The following ASGR2 variants were observed in gnomAD, a reference collection of about 807,000 sequenced individuals.
The protein encoded by ASGR2 is asialoglycoprotein receptor 2.
A neutral mutation model predicts 32.3 loss-of-function variants in ASGR2; 34 were observed. That is an observed-to-expected ratio of 1.05 (90% confidence interval 0.80 to 1.40). The LOEUF (loss-of-function observed/expected upper bound fraction) is 1.40. ASGR2 is among the 40% of genes most tolerant of loss of function. ASGR2 has a pLI of 0.00. For missense variants in ASGR2, 385 were observed against 386.4 expected, an observed-to-expected ratio of 1.00 and a Z score of 0.03; for synonymous variants, 143 against 150.0, an observed-to-expected ratio of 0.95 and a Z score of 0.34.
rs528340758 is a variant in ASGR2, at chr17:7,110,041, C to T, written c.125-1153G>A. On this transcript the variant is annotated intron_variant, in intron 2 of 8. Coordinates refer to ENST00000691900, the MANE Select transcript of ASGR2 (RefSeq NM_001201352.2). ...TTCCTTGTCTTCTCATTCCTATCAC[C>T]CCCCGACCCAGCAGGACCACATCCT... is the stretch of plus-strand genomic sequence containing the variant. Among the ~76,000 whole-genome samples the T allele has an allele frequency of 2.0e-5, 3 of 152,220 alleles. No homozygotes were observed. In the South Asian group the frequency reaches 6.2e-4, roughly 32 times the overall value.
At position 7,110,652 on chromosome 17, in the gene ASGR2, C is replaced by T. The variant is rs536325882; in HGVS notation, c.125-1764G>A. On this transcript the variant is annotated intron_variant, in intron 2 of 8. Transcript: ENST00000691900. The stretch of plus-strand genomic sequence containing the variant: ...GTCGTAGCTACCCGATTGGATTGCT[C>T]GGATAATTAGATGAGTTAAAATATG... 2.6e-5 allele frequency among the ~76,000 whole-genome samples: 4 copies of T among 152,250 alleles called. No individual in the cohort carries two copies. In the East Asian group the frequency reaches 7.7e-4, roughly 29 times the overall value.
At chr17:7,104,310 T>G (rs1229068161) in intron 7 of ASGR2, among the ~76,000 whole-genome samples, 1 of 135,876 alleles carries the variant, frequency 7.4e-6, no homozygotes, top group Non-Finnish European at 1.5e-5. Context: ...ATCGTGCCAT[T>G]GCACTCCAGC....
At chr17:7,105,260 G>A (rs933660528) in intron 7 of ASGR2, among the ~76,000 whole-genome samples, 1 of 151,118 alleles carries the variant, frequency 6.6e-6, no homozygotes, top group African/African-American at 2.4e-5. Flanking sequence ...AAATTAAGAA[G>A]CATGTAAAGC....
Position 7,107,976 on chromosome 17 carries a change from G to C in ASGR2, c.338-69C>G. 2 of 1,580,276 alleles carry C rather than the reference G, an allele frequency of 1.3e-6. No individual in the cohort carries two copies. The highest frequency in any genetic ancestry group is 1.7e-6 in the Non-Finnish European group (2 of 1,158,708). On this transcript the variant is annotated intron_variant, in intron 4 of 8. Coordinates refer to ENST00000691900, the MANE Select transcript of ASGR2 (RefSeq NM_001201352.2). This position sits in a 1 kb window ranked among gnomAD's most constrained non-coding sequence, Gnocchi z 5.0. ...GTCCTCATGCTGCTGGGGGACCGGG[G>C]GCCAGCGCCTCGTCCTGGGCGATGC...
At chr17:7,104,216 C>T (rs998878173) in intron 7 of ASGR2, among the ~76,000 whole-genome samples, 6 of 151,936 alleles carry the variant, frequency 3.9e-5, no homozygotes, top group Non-Finnish European at 8.8e-5. Flanking sequence ...GGCGTGTTGG[C>T]GCATGCCTGT....
Position 7,108,708 on chromosome 17 carries a change from C to T in ASGR2, c.241+64G>A, listed in dbSNP as rs749085050. On this transcript the variant is annotated intron_variant, in intron 3 of 8. Coordinates refer to ENST00000691900, the MANE Select transcript of ASGR2 (RefSeq NM_001201352.2). This position sits in a 1 kb window ranked among gnomAD's most constrained non-coding sequence, Gnocchi z 4.9. ...CCCCTCCCATCGCCCCGATCGCTGC[C>T]CGCCACTGCCCATGTCTCTTTCCCT... 2 of 1,612,550 alleles carry T rather than the reference C, an allele frequency of 1.2e-6. No individual in the cohort carries two copies. Among genetic ancestry groups the T allele is most frequent in the Non-Finnish European group, 1.7e-6 (2 of 1,178,938 alleles).
chr17:7,114,705 G>A lies in ASGR2; in HGVS notation c.-161C>T, dbSNP rs1915257554. On this transcript the variant is annotated 5_prime_UTR_variant, in exon 1 of 9. Coordinates refer to ENST00000691900, the MANE Select transcript of ASGR2 (RefSeq NM_001201352.2). This position sits in a 1 kb window ranked among gnomAD's most constrained non-coding sequence, Gnocchi z 4.5. ...GTTAAAGCCAGGAGAACTGGGGCAG[G>A]TGGAGCTCACAGGGGAGAGGAGAGT... is the stretch of plus-strand genomic sequence containing the variant. 2.0e-6 allele frequency: 2 copies of A among 1,018,162 alleles called. No homozygotes were observed. The highest frequency in any genetic ancestry group is 2.4e-6 in the Non-Finnish European group (2 of 849,282). 63.1% of individuals were successfully genotyped at this position (1,018,162 alleles called of 1,614,324 possible).
At chr17:7,102,877 G>A (rs920831217) in intron 7 of ASGR2, among the ~76,000 whole-genome samples, 1 of 152,206 alleles carries the variant, frequency 6.6e-6, no homozygotes, top group Non-Finnish European at 1.5e-5. Flanking sequence ...ACACCGGGGT[G>A]TGAGGAAGCA....
intron 7 of ASGR2, among the ~76,000 whole-genome samples, chr17:7,105,793 T>TG (rs1913589034): frequency 1.6e-5 from 1 of 63,322 alleles, no homozygotes; most frequent in Non-Finnish European, 4.5e-5. Context: ...AAATTAGCAT[T>TG]TTTTTTTTTT....
chr17:7,109,012 G>GA (rs1157030678), intron 2 of ASGR2, 124 bp from the exon 3 acceptor site: 2 of 632,910 alleles, frequency 3.2e-6, no homozygotes, highest in African/African-American at 3.9e-5. Flanking sequence ...ATGGGGGGGG[G>GA]TCATCATAGG....
At chr17:7,109,126 CATGCACACG>C in intron 2 of ASGR2, among the ~76,000 whole-genome samples, 1 of 152,016 alleles carries the variant, frequency 6.6e-6, no homozygotes, top group African/African-American at 2.4e-5. Context: ...CACACACACC[CATGCACACG>C]ACTCAGGATA....
Position 7,107,033 on chromosome 17 carries a change from T to C in ASGR2, c.615A>G (p.Ala205=). The C allele has an allele frequency of 6.2e-7, 1 of 1,614,054 alleles. No individual in the cohort carries two copies. The highest frequency in any genetic ancestry group is 1.1e-5 in the South Asian group (1 of 91,078). Residue 205 remains alanine, a synonymous_variant, in exon 7 of 9, where the codon GCA becomes GCG. Transcript: ENST00000691900. This position sits in a 1 kb window ranked among gnomAD's most constrained non-coding sequence, Gnocchi z 5.0. Reference sequence around the variant, plus strand: ...CCCAGGAGTTGATGACCACCAGGTGTGCGTTCTCCAGCTGGCAGTACTTCT... The same window carrying C: ...CCCAGGAGTTGATGACCACCAGGTGCGCGTTCTCCAGCTGGCAGTACTTCT... ...EAEKYCQLEN[A]HLVVINSWEE...
At chr17:7,104,431 C>T (rs943863570) in intron 7 of ASGR2, among the ~76,000 whole-genome samples, 4 of 148,928 alleles carry the variant, frequency 2.7e-5, no homozygotes, top group Non-Finnish European at 5.9e-5. Flanking sequence ...GCGGGAGGAT[C>T]ACCTGAGGTC....
At chr17:7,111,413 G>T (rs553095267) in intron 2 of ASGR2, among the ~76,000 whole-genome samples, 23 of 152,228 alleles carry the variant, frequency 1.5e-4, no homozygotes, top group South Asian at 8.3e-4. Context: ...TCCCAGCACT[G>T]TGGGAGGCCA....
At position 7,108,403 on chromosome 17, in the gene ASGR2, G is replaced by A. The variant is rs62061385; in HGVS notation, c.337+59C>T. The A allele has an allele frequency of 0.23, 349,185 of 1,510,662 alleles. 42,007 individuals carry two copies. The highest frequency in any genetic ancestry group is 0.29 in the East Asian group (11,775 of 40,920). The allele number at this position is 1,510,662 out of a possible 1,614,324, so 93.6% of individuals were successfully genotyped here. On this transcript the variant is annotated intron_variant, in intron 4 of 8. Coordinates refer to ENST00000691900, the MANE Select transcript of ASGR2 (RefSeq NM_001201352.2). This position sits in a 1 kb window ranked among gnomAD's most constrained non-coding sequence, Gnocchi z 4.9. ...CCCCACACAGCCCTGTTGCAGACTCGGCACTGAGCCCAGCAAACCTGTGCG... is the reference window on the plus strand; with the variant it reads ...CCCCACACAGCCCTGTTGCAGACTCAGCACTGAGCCCAGCAAACCTGTGCG...
chr17:7,114,316 G>A lies in ASGR2; in HGVS notation c.-70-6C>T. 1.3e-6 allele frequency: 2 copies of A among 1,566,742 alleles called. No individual in the cohort carries two copies. The highest frequency in any genetic ancestry group is 2.3e-5 in the East Asian group (1 of 43,712). The stretch of plus-strand genomic sequence containing the variant: ...GGTTGCTCTGAGGGCTGGGGCTGGG[G>A]CAGAGGTGCAGATTCACGTGGAGGT... On this transcript the variant is annotated splice_region_variant and splice_polypyrimidine_tract_variant and intron_variant, in intron 1 of 8. Coordinates refer to ENST00000691900, the MANE Select transcript of ASGR2 (RefSeq NM_001201352.2). The surrounding 1 kb of genome is among the most constrained non-coding windows in gnomAD (Gnocchi z 4.5).
In ASGR2 at chr17:7,101,649, T is replaced by G. The variant is rs1912826498; in HGVS notation, c.847A>C (p.Asn283His). ...CVEVQPDGRW[N>H]DDFCLQVYRW... ...TACACCTGCAGGCAGAAGTCATCGTTCCAGCGGCCATCCGGCTGGACTTCA... is the reference window on the plus strand; with the variant it reads ...TACACCTGCAGGCAGAAGTCATCGTGCCAGCGGCCATCCGGCTGGACTTCA... The change falls in exon 9 of 9, where the codon AAC becomes CAC. Residue 283 changes from asparagine to histidine, a missense_variant. By Grantham distance (68) the Asn-to-His change is moderately conservative. Coordinates refer to ENST00000691900, the MANE Select transcript of ASGR2 (RefSeq NM_001201352.2). 1 of 1,614,222 alleles carries G rather than the reference T, an allele frequency of 6.2e-7. No individual in the cohort carries two copies. The highest frequency in any genetic ancestry group is 8.5e-7 in the Non-Finnish European group (1 of 1,180,038).
chr17:7,109,432 T>A (rs1228704913), intron 2 of ASGR2, among the ~76,000 whole-genome samples: 1 of 152,016 alleles, frequency 6.6e-6, no homozygotes, highest in Non-Finnish European at 1.5e-5. Context: ...CAAAATTCCA[T>A]TGAGATCCTT....
chr17:7,103,775 CA>C (rs1440822369), intron 7 of ASGR2, among the ~76,000 whole-genome samples: 1 of 152,074 alleles, frequency 6.6e-6, no homozygotes, highest in Non-Finnish European at 1.5e-5. Flanking sequence ...TGTTGGAGAA[CA>C]GTTTCTTTTT....
Sources: allele counts gnomAD v4.1 joint callset (sites outside exome capture counted in the v4.1 genomes callset), GRCh38; gene constraint gnomAD v4.1.1; non-coding constraint Gnocchi (gnomAD v3.1); transcripts MANE v1.5; gene names NCBI Gene and HGNC (gene_info 2026-07-23, HGNC 2026-07-21).